KCNJ6: variants seen among roughly 807,000 people sequenced by gnomAD.
KCNJ6 encodes potassium inwardly rectifying channel subfamily J member 6.
Under a neutral mutation model 34.2 loss-of-function variants are expected in KCNJ6, and 9 were observed. That is an observed-to-expected ratio of 0.26 (90% CI 0.16 to 0.46). The LOEUF (loss-of-function observed/expected upper bound fraction) is 0.46, where lower values mean the gene tolerates loss of function less well. Among genes scored for constraint, KCNJ6 ranks in the 20% least tolerant of loss-of-function variants. The pLI, the probability that KCNJ6 is intolerant of heterozygous loss-of-function variation, is 1.00. For missense variants in KCNJ6, 236 were observed against 531.3 expected (o/e 0.44, Z 5.46); for synonymous variants, 196 against 207.1 (o/e 0.95, Z 0.46).
At chr21:37,679,053 A>C (rs2054579446) in intron 3 of KCNJ6, among the ~76,000 whole-genome samples, 1 of 152,118 alleles carries the variant, frequency 6.6e-6, no homozygotes, top group East Asian at 1.9e-4. Flanking sequence ...TGCTTTGGGG[A>C]AAATTAGCTA....
intron 3 of KCNJ6, among the ~76,000 whole-genome samples, chr21:37,653,550 CTG>C (rs2054443783): frequency 1.3e-5 from 2 of 152,178 alleles, no homozygotes; most frequent in South Asian, 4.1e-4. Context: ...AGCTTTCTAA[CTG>C]TGCTTAAAAA....
At chr21:37,847,521 C>T (rs966343193) in intron 1 of KCNJ6, among the ~76,000 whole-genome samples, 12 of 152,156 alleles carry the variant, frequency 7.9e-5, no homozygotes, top group African/African-American at 2.2e-4. Context: ...TTCAATCATC[C>T]GATGCTGAAA....
intron 2 of KCNJ6, among the ~76,000 whole-genome samples, chr21:37,739,744 CCATGCATGATGG>C (rs1359911547): frequency 2.0e-5 from 3 of 151,880 alleles, no homozygotes; most frequent in Non-Finnish European, 4.4e-5. Context: ...TATGTTGATG[CCATGCATGATGG>C]GGTGAGGAGG....
At chr21:37,860,710 C>A (rs2055590543) in intron 1 of KCNJ6, among the ~76,000 whole-genome samples, 2 of 147,372 alleles carry the variant, frequency 1.4e-5, no homozygotes, top group African/African-American at 5.4e-5. Flanking sequence ...TCTCCCACTA[C>A]CCCCCTGGAG....
At chr21:37,636,768 T>C (rs769119221) in intron 3 of KCNJ6, among the ~76,000 whole-genome samples, 59 of 152,232 alleles carry the variant, frequency 3.9e-4, no homozygotes, top group Middle Eastern at 3.4e-3. Context: ...TGTGACAAAT[T>C]ATGGTGGGAG....
intron 3 of KCNJ6, among the ~76,000 whole-genome samples, chr21:37,656,620 G>C (rs2054465446): frequency 6.6e-6 from 1 of 152,202 alleles, no homozygotes; most frequent in Non-Finnish European, 1.5e-5. Flanking sequence ...GGAGCGGCTG[G>C]GGCTGGCATG....
At chr21:37,831,315 C>T (rs1042511993) in intron 2 of KCNJ6, among the ~76,000 whole-genome samples, 1 of 152,182 alleles carries the variant, frequency 6.6e-6, no homozygotes, top group African/African-American at 2.4e-5. Flanking sequence ...GCTTTTCTGC[C>T]TAATGGTGGG....
chr21:37,744,948 T>C (rs1039940086), intron 2 of KCNJ6, among the ~76,000 whole-genome samples: 1 of 151,934 alleles, frequency 6.6e-6, no homozygotes, highest in Non-Finnish European at 1.5e-5. Flanking sequence ...TACTTCCAGA[T>C]GGAATGGAGG....
chr21:37,778,432 G>A (rs2055152858), intron 2 of KCNJ6, among the ~76,000 whole-genome samples: 1 of 150,300 alleles, frequency 6.7e-6, no homozygotes, highest in Admixed American at 6.6e-5. Flanking sequence ...AGTTCTGGAG[G>A]CGTTTCTCTT....
intron 3 of KCNJ6, among the ~76,000 whole-genome samples, chr21:37,673,711 AG>A (rs1465573973): frequency 6.6e-6 from 1 of 152,164 alleles, no homozygotes; most frequent in Non-Finnish European, 1.5e-5. Flanking sequence ...TCAGAGTTAG[AG>A]GGGGACAGGG....
At chr21:37,907,631 T>C (rs576053371) in intron 1 of KCNJ6, among the ~76,000 whole-genome samples, 2 of 152,338 alleles carry the variant, frequency 1.3e-5, no homozygotes, top group African/African-American at 2.4e-5. Context: ...TGCTTTCTTA[T>C]ATTGAACCAA....
chr21:37,672,987 CA>C (rs752314766), intron 3 of KCNJ6, among the ~76,000 whole-genome samples: 1 of 152,154 alleles, frequency 6.6e-6, no homozygotes, highest in African/African-American at 2.4e-5. Flanking sequence ...CTACATTGTC[CA>C]GGCCAGATTT....
intron 3 of KCNJ6, among the ~76,000 whole-genome samples, chr21:37,706,966 C>A (rs891628272): frequency 1.3e-5 from 2 of 152,202 alleles, no homozygotes; most frequent in Non-Finnish European, 2.9e-5. Flanking sequence ...CCTCAGAAGA[C>A]CTGGGAGTAA....
At chr21:37,702,678 AG>A (rs1473116420) in intron 3 of KCNJ6, among the ~76,000 whole-genome samples, 1 of 152,208 alleles carries the variant, frequency 6.6e-6, no homozygotes, top group Non-Finnish European at 1.5e-5. Context: ...TGGTAATTAA[AG>A]ACAAGGGCTG....
chr21:37,749,984 A>C (rs894963805), intron 2 of KCNJ6, among the ~76,000 whole-genome samples: 19 of 152,238 alleles, frequency 1.2e-4, no homozygotes, highest in Non-Finnish European at 2.8e-4. Context: ...CTGGGCTAAA[A>C]AGTCACAGAC....
chr21:37,818,193 CGTGTGTGTGTGTGCGTGCGTGTGTGTGT>C (rs1298023619), intron 2 of KCNJ6, among the ~76,000 whole-genome samples: 5 of 97,344 alleles, frequency 5.1e-5, no homozygotes, highest in East Asian at 5.4e-4. Flanking sequence ...CTTAAAAGTG[CGTGTGTGTGTGTGCGTGCGTGTGTGTGT>C]GTGTGTGTGT....
chr21:37,627,075 C>A (rs2054314565), intron 3 of KCNJ6, among the ~76,000 whole-genome samples: 1 of 152,146 alleles, frequency 6.6e-6, no homozygotes. Context: ...GAAGAGAATA[C>A]CTGTGAATGT....
chr21:37,731,011 G>A (rs1254054125), intron 2 of KCNJ6, among the ~76,000 whole-genome samples: 1 of 152,200 alleles, frequency 6.6e-6, no homozygotes, highest in African/African-American at 2.4e-5. Context: ...CTAATATTCG[G>A]TGGGGATAGG....
chr21:37,833,370 C>A (rs755098449), intron 2 of KCNJ6, among the ~76,000 whole-genome samples: 1 of 152,194 alleles, frequency 6.6e-6, no homozygotes, highest in Admixed American at 6.5e-5. Flanking sequence ...GGTGACCATA[C>A]ATCCTCCTTC....
Sources: gnomAD v4.1 joint callset for allele counts (sites outside exome capture counted in the v4.1 genomes callset) on GRCh38, gnomAD v4.1.1 for gene constraint, MANE v1.5 for transcripts, NCBI Gene and HGNC (gene_info 2026-07-23, HGNC 2026-07-21) for gene names.